SLC47A1: variants seen among roughly 807,000 people sequenced by gnomAD.
SLC47A1 encodes the protein multidrug and toxin extrusion protein 1.
A neutral mutation model predicts 65.8 loss-of-function variants in SLC47A1; 58 were observed. That is an observed-to-expected ratio of 0.88 (90% confidence interval 0.71 to 1.10). The LOEUF (loss-of-function observed/expected upper bound fraction) is 1.10, where lower values mean the gene tolerates loss of function less well. Among genes scored for constraint, SLC47A1 ranks in the 50% least tolerant of loss-of-function variants. The pLI is 0.00. For missense variants in SLC47A1, 706 were observed against 719.2 expected (o/e 0.98, Z 0.21); for synonymous variants, 285 against 295.0 (o/e 0.97, Z 0.35).
At chr17:19,566,758 C>T (rs2084360908) in intron 12 of SLC47A1, 32 bp from the exon 13 acceptor site, 1 of 1,608,476 alleles carries the variant, frequency 6.2e-7, no homozygotes, top group African/African-American at 1.3e-5. Flanking sequence ...CACTTTGTCT[C>T]CTAATCACCA....
At chr17:19,569,907 T>C (rs2084386780) in intron 14 of SLC47A1, among the ~76,000 whole-genome samples, 1 of 152,226 alleles carries the variant, frequency 6.6e-6, no homozygotes, top group Non-Finnish European at 1.5e-5. Context: ...AGCTTGCTTT[T>C]ACTAATTTTT....
At chr17:19,536,746 C>T (rs1915997741) in intron 1 of SLC47A1, among the ~76,000 whole-genome samples, 1 of 152,142 alleles carries the variant, frequency 6.6e-6, no homozygotes, top group African/African-American at 2.4e-5. Flanking sequence ...GCTCATTGTC[C>T]AATACTTTCT....
chr17:19,557,406 A>G (rs933169010), intron 10 of SLC47A1: 1 of 283,224 alleles, frequency 3.5e-6, no homozygotes, highest in African/African-American at 2.2e-5. Flanking sequence ...GGTATATAGG[A>G]TTCCACTATA....
chr17:19,538,047 T>G (rs1916041065), intron 1 of SLC47A1, among the ~76,000 whole-genome samples: 1 of 152,212 alleles, frequency 6.6e-6, no homozygotes, highest in Non-Finnish European at 1.5e-5. Flanking sequence ...CTTTCCCTAT[T>G]CCACAGATGC....
rs1340570702 is a variant in SLC47A1 at position 19,542,466 on chromosome 17, A to T, written c.209A>T (p.Glu70Val). Reference protein sequence around the residue: ...SVFCGHLGKLELDAVTLAIAV... With the variant: ...SVFCGHLGKLVLDAVTLAIAV... ...TTCTGTGGCCACCTGGGCAAGCTGGAGCTGGATGCAGTCACGCTGGCAATC... is the reference window on the plus strand; with the variant it reads ...TTCTGTGGCCACCTGGGCAAGCTGGTGCTGGATGCAGTCACGCTGGCAATC... The change falls in exon 2 of 17, where the codon GAG (glutamate) becomes GTG (valine). Residue 70 changes from glutamate to valine, a missense_variant. Glu to Val is a moderately radical substitution (Grantham distance 121). Coordinates refer to ENST00000270570, the MANE Select transcript of SLC47A1 (RefSeq NM_018242.3). 6.2e-6 allele frequency: 10 copies of T among 1,612,378 alleles called. No individual in the cohort carries two copies. Among genetic ancestry groups the T allele is most frequent in the Non-Finnish European group, 8.5e-6 (10 of 1,179,396 alleles).
chr17:19,560,023 A>T (rs1232420146), intron 10 of SLC47A1, 165 bp from the exon 11 acceptor site: 1 of 590,994 alleles, frequency 1.7e-6, no homozygotes. Flanking sequence ...TTTCCACAGT[A>T]GCGTGGGAGT....
intron 3 of SLC47A1, among the ~76,000 whole-genome samples, chr17:19,547,716 C>CTT (rs1180263887): frequency 0.027 from 1,855 of 68,532 alleles, 99 homozygotes; most frequent in Middle Eastern, 0.069. Flanking sequence ...CCATGGGCTT[C>CTT]TTTTTTTTTT....
intron 6 of SLC47A1, among the ~76,000 whole-genome samples, chr17:19,554,261 C>T (rs767135709): frequency 5.3e-5 from 8 of 152,148 alleles, no homozygotes; most frequent in African/African-American, 9.7e-5. Context: ...TGGGCTGTGA[C>T]GTGGACCTGG....
chr17:19,546,229 A>G (rs1916288256), intron 2 of SLC47A1, among the ~76,000 whole-genome samples: 1 of 152,000 alleles, frequency 6.6e-6, no homozygotes, highest in Non-Finnish European at 1.5e-5. Flanking sequence ...CAAAAAATAT[A>G]TATATTATAG....
intron 1 of SLC47A1, among the ~76,000 whole-genome samples, chr17:19,539,040 C>T (rs1433552290): frequency 6.6e-6 from 1 of 151,990 alleles, no homozygotes; most frequent in Admixed American, 6.5e-5. Context: ...TCCTGAGTGG[C>T]TGGAATTGCA....
intron 1 of SLC47A1, among the ~76,000 whole-genome samples, chr17:19,535,852 C>G (rs925981972): frequency 6.6e-5 from 10 of 152,210 alleles, no homozygotes; most frequent in African/African-American, 2.2e-4. Context: ...GCCTCCTAAC[C>G]TCTTCTGGTC....
At chr17:19,547,403 A>G (rs1042520213) in intron 3 of SLC47A1, among the ~76,000 whole-genome samples, 5 of 146,682 alleles carry the variant, frequency 3.4e-5, no homozygotes, top group Non-Finnish European at 7.4e-5. Context: ...GCTGGAGTGC[A>G]GTGGCACAAT....
At position 19,566,876 on chromosome 17, in the gene SLC47A1, A is replaced by G; in HGVS notation, c.1176+17A>G. On this transcript the variant is annotated intron_variant, in intron 13 of 16. Transcript: ENST00000270570. ...GCTCTTGCTGTAAGTATTATGTAGT[A>G]GTCCCCTAAGCACTGTTATGATCTT... 1.9e-6 allele frequency: 3 copies of G among 1,613,690 alleles called. No homozygotes were observed. The highest frequency in any genetic ancestry group is 2.5e-6 in the Non-Finnish European group (3 of 1,179,600).
intron 7 of SLC47A1, 51 bp from the exon 8 acceptor site, chr17:19,555,542 A>G (rs775082666): frequency 1.5e-5 from 24 of 1,567,000 alleles, no homozygotes; most frequent in Non-Finnish European, 2.1e-5. Flanking sequence ...TGAGTTGGGC[A>G]GGGAGAGGCG....
chr17:19,549,943 T>C (rs1916400757), intron 5 of SLC47A1, among the ~76,000 whole-genome samples: 1 of 152,144 alleles, frequency 6.6e-6, no homozygotes, highest in Non-Finnish European at 1.5e-5. Flanking sequence ...GAGTGCAAAC[T>C]TTTATTGTAA....
chr17:19,536,832 C>T (rs1915999343), intron 1 of SLC47A1, among the ~76,000 whole-genome samples: 1 of 152,214 alleles, frequency 6.6e-6, no homozygotes, highest in Non-Finnish European at 1.5e-5. Flanking sequence ...TCTCATTTGC[C>T]ATCTCCCTTC....
intron 12 of SLC47A1, among the ~76,000 whole-genome samples, chr17:19,566,435 CT>C (rs1013274858): frequency 1.1e-4 from 17 of 149,496 alleles, no homozygotes; most frequent in Non-Finnish European, 1.8e-4. Flanking sequence ...AAGCTATATA[CT>C]TTTTTTTTTA....
At chr17:19,556,766 C>T (rs1361092512) in intron 10 of SLC47A1, among the ~76,000 whole-genome samples, 1 of 152,162 alleles carries the variant, frequency 6.6e-6, no homozygotes, top group Non-Finnish European at 1.5e-5. Flanking sequence ...CCATGTTGGT[C>T]AGCTGGTCTT....
intron 16 of SLC47A1, among the ~76,000 whole-genome samples, chr17:19,573,621 G>A (rs1016436375): frequency 5.9e-5 from 9 of 152,096 alleles, no homozygotes; most frequent in East Asian, 1.9e-4. Flanking sequence ...GGGCTCAAGC[G>A]ATCCTCCTGC....
Sources: gnomAD v4.1 joint callset for allele counts (sites outside exome capture counted in the v4.1 genomes callset) on GRCh38, gnomAD v4.1.1 for gene constraint, MANE v1.5 for transcripts, NCBI Gene and HGNC (gene_info 2026-07-23, HGNC 2026-07-21) for gene names.